SCFD1: variants seen among roughly 807,000 people sequenced by gnomAD.
The protein encoded by SCFD1 is sec1 family domain-containing protein 1.
In SCFD1, 37 loss-of-function variants were observed where a neutral mutation model predicts 103.2. The ratio of observed to expected loss-of-function variants is 0.36; its 90% CI spans 0.28 to 0.47. SCFD1 has a LOEUF of 0.47. Among genes scored for constraint, SCFD1 ranks in the 20% least tolerant of loss-of-function variants. The probability of loss-of-function intolerance (pLI) is 1.00; values close to 1 mark genes in which losing one functional copy is unlikely to be tolerated. For missense variants in SCFD1, 639 were observed against 761.2 expected, an observed-to-expected ratio of 0.84 and a Z score of 1.89; for synonymous variants, 264 against 245.0, an observed-to-expected ratio of 1.08 and a Z score of -0.73.
At chr14:30,722,169 A>T (rs1378531119) in intron 22 of SCFD1, among the ~76,000 whole-genome samples, 1 of 152,160 alleles carries the variant, frequency 6.6e-6, no homozygotes, top group Non-Finnish European at 1.5e-5. Flanking sequence ...CCTTTTTCTG[A>T]AATTGGATTC....
intron 23 of SCFD1, among the ~76,000 whole-genome samples, chr14:30,733,191 G>A (rs1406051723): frequency 6.6e-6 from 1 of 151,904 alleles, no homozygotes; most frequent in African/African-American, 2.4e-5. Context: ...TGTATTTTTA[G>A]TAGAGATGGG....
intron 3 of SCFD1, among the ~76,000 whole-genome samples, chr14:30,632,255 C>T (rs984164206): frequency 2.6e-5 from 4 of 151,880 alleles, no homozygotes; most frequent in African/African-American, 9.7e-5. Context: ...TTTAGATTTT[C>T]GATAAGTAAC....
intron 3 of SCFD1, 64 bp from the exon 4 acceptor site, chr14:30,633,883 T>A: frequency 1.1e-6 from 1 of 916,864 alleles, no homozygotes; most frequent in Non-Finnish European, 1.7e-6. Context: ...GAACTCCCAT[T>A]TTGAGGAATA....
At chr14:30,735,041 C>T (rs1893743531) in intron 24 of SCFD1, 183 bp downstream of exon 24, 2 of 520,800 alleles carry the variant, frequency 3.8e-6, no homozygotes, top group Non-Finnish European at 6.8e-6. Flanking sequence ...ATAATGTTTC[C>T]AGTAGGAGTT....
intron 14 of SCFD1, chr14:30,683,152 C>G: frequency 8.9e-7 from 1 of 1,119,284 alleles, no homozygotes; most frequent in Non-Finnish European, 1.3e-6. Context: ...AAGGGGCTAT[C>G]AATGTTGGGT....
At position 30,633,968 on chromosome 14, in the gene SCFD1, T is replaced by G; in HGVS notation, c.243T>G (p.Asp81Glu). Reference protein sequence around the residue: ...TLHLLLHSDRDPIPDVPAVYF... With the variant: ...TLHLLLHSDREPIPDVPAVYF... ...CTAGGCTTTTACACTCTGATCGAGA[T>G]CCTATTCCAGATGTTCCTGCAGTAT... Residue 81 changes from aspartate to glutamate, a missense_variant, in exon 4 of 25, where the codon GAT becomes GAG. Asp to Glu is a conservative substitution (Grantham distance 45). Coordinates refer to ENST00000458591, the MANE Select transcript of SCFD1 (RefSeq NM_016106.4). 2 of 1,600,100 alleles carry G rather than the reference T, an allele frequency of 1.2e-6. No individual in the cohort carries two copies. The highest frequency in any genetic ancestry group is 1.7e-6 in the Non-Finnish European group (2 of 1,171,050).
intron 14 of SCFD1, among the ~76,000 whole-genome samples, chr14:30,690,926 A>T (rs1443959860): frequency 1.3e-5 from 2 of 152,180 alleles, no homozygotes; most frequent in Admixed American, 6.5e-5. Context: ...TAATTTGTTC[A>T]TTTTTTATGT....
chr14:30,622,309 C>A (rs372186550), upstream of SCFD1: 105 of 1,594,300 alleles, frequency 6.6e-5, 1 homozygote, highest in East Asian at 3.2e-4. Context: ...GCTCCGCTCC[C>A]CAGCCGGGCA....
intron 10 of SCFD1, chr14:30,658,190 G>A (rs17097055): frequency 2.3e-6 from 1 of 437,002 alleles, no homozygotes; most frequent in Non-Finnish European, 4.6e-6. Flanking sequence ...TCAAATCTTA[G>A]GTTCTCTTTT....
intron 4 of SCFD1, among the ~76,000 whole-genome samples, chr14:30,636,060 T>C (rs909943251): frequency 6.6e-6 from 1 of 152,162 alleles, no homozygotes; most frequent in Non-Finnish European, 1.5e-5. Flanking sequence ...TCTAGAAATA[T>C]CTATTCAGAT....
chr14:30,731,065 A>G (rs1483843086), intron 23 of SCFD1, among the ~76,000 whole-genome samples: 1 of 152,202 alleles, frequency 6.6e-6, no homozygotes, highest in Non-Finnish European at 1.5e-5. Flanking sequence ...AGCTTTCTAC[A>G]TATGGCTAGC....
chr14:30,732,473 A>G (rs56208153), intron 23 of SCFD1, among the ~76,000 whole-genome samples: 1 of 152,046 alleles, frequency 6.6e-6, no homozygotes, highest in Non-Finnish European at 1.5e-5. Flanking sequence ...TCCCCAGTTT[A>G]TTGTCCTGAG....
chr14:30,668,811 C>T (rs1594657073), intron 10 of SCFD1, among the ~76,000 whole-genome samples: 1 of 152,200 alleles, frequency 6.6e-6, no homozygotes, highest in East Asian at 1.9e-4. Flanking sequence ...TGCTCATCGT[C>T]ACTGGTCATC....
chr14:30,719,454 C>T (rs1410144921), intron 21 of SCFD1, 77 bp downstream of exon 21: 8 of 1,004,908 alleles, frequency 8.0e-6, no homozygotes, highest in Non-Finnish European at 1.2e-5. Flanking sequence ...TTATATAGTA[C>T]TGCTTATTAA....
intron 10 of SCFD1, among the ~76,000 whole-genome samples, chr14:30,656,231 G>T (rs1055747180): frequency 6.6e-6 from 1 of 152,142 alleles, no homozygotes; most frequent in Non-Finnish European, 1.5e-5. Context: ...AAAGTGCTGA[G>T]ATTACAAGCA....
chr14:30,729,972 T>C (rs1177518945), intron 23 of SCFD1, among the ~76,000 whole-genome samples: 1 of 152,198 alleles, frequency 6.6e-6, no homozygotes, highest in African/African-American at 2.4e-5. Context: ...ACTCATCGTT[T>C]ACGTTAGGTA....
chr14:30,673,857 A>T, intron 12 of SCFD1, 67 bp from the exon 13 acceptor site: 1 of 1,040,904 alleles, frequency 9.6e-7, no homozygotes, highest in South Asian at 1.3e-5. Context: ...CAATCTTAGG[A>T]TGTGTTGATT....
intron 19 of SCFD1, among the ~76,000 whole-genome samples, chr14:30,714,722 A>G (rs910536526): frequency 2.0e-5 from 3 of 152,228 alleles, no homozygotes; most frequent in Non-Finnish European, 4.4e-5. Context: ...TATCTGATCT[A>G]TAAACAATCA....
intron 19 of SCFD1, among the ~76,000 whole-genome samples, chr14:30,713,053 T>A (rs1373752743): frequency 6.6e-6 from 1 of 152,206 alleles, no homozygotes; most frequent in Non-Finnish European, 1.5e-5. Context: ...CCGGTTTTTT[T>A]AACCAGTAAA....
Sources: gnomAD v4.1 joint callset for allele counts (sites outside exome capture counted in the v4.1 genomes callset) on GRCh38, gnomAD v4.1.1 for gene constraint, MANE v1.5 for transcripts, NCBI Gene and HGNC (gene_info 2026-07-23, HGNC 2026-07-21) for gene names.